ROBO1: variants seen among roughly 807,000 people sequenced by gnomAD.
ROBO1 encodes the protein roundabout homolog 1.
In ROBO1, 149 loss-of-function variants were observed where a neutral mutation model predicts 195.9. The ratio of observed to expected loss-of-function variants is 0.76; its 90% CI spans 0.67 to 0.87. The LOEUF is 0.87. Among genes scored for constraint, ROBO1 ranks in the 40% least tolerant of loss-of-function variants. ROBO1 has a pLI of 0.00. For missense variants in ROBO1, 1,933 were observed against 2,068.3 expected (o/e 0.93, Z 1.27); for synonymous variants, 816 against 733.2 (o/e 1.11, Z -1.82).
At position 78,661,568 on chromosome 3, in the gene ROBO1, A is replaced by G. The variant is rs554606966; in HGVS notation, c.2089-307T>C. The stretch of plus-strand genomic sequence containing the variant: ...ATTAACTTCTATGCTTCATGCAGAA[A>G]TGTGAGGCCTGATGGCAGCTCTGAC... On this transcript the variant is annotated intron_variant, in intron 15 of 30. Transcript: ENST00000464233. Among the ~76,000 whole-genome samples the G allele has an allele frequency of 1.2e-4, 18 of 152,348 alleles. No individual in the cohort carries two copies. The East Asian group carries it at 3.1e-3, about 26-fold the overall frequency.
intron 2 of ROBO1, among the ~76,000 whole-genome samples, chr3:79,558,048 A>C (rs1942775994): frequency 6.6e-6 from 1 of 152,218 alleles, no homozygotes; most frequent in African/African-American, 2.4e-5. Context: ...AAGCCTGTCA[A>C]ATTTGTAAAA....
intron 2 of ROBO1, among the ~76,000 whole-genome samples, chr3:79,186,551 C>A (rs1027651218): frequency 1.3e-5 from 2 of 152,056 alleles, no homozygotes; most frequent in African/African-American, 2.4e-5. Context: ...TCTTTATGCC[C>A]AATTTGGTAA....
At chr3:79,524,967 A>G (rs1263240811) in intron 2 of ROBO1, among the ~76,000 whole-genome samples, 2 of 151,968 alleles carry the variant, frequency 1.3e-5, no homozygotes, top group Non-Finnish European at 2.9e-5. Context: ...ATATAGAGAG[A>G]GAAACAGAGA....
chr3:79,400,454 A>G (rs1278212071), intron 2 of ROBO1, among the ~76,000 whole-genome samples: 1 of 152,012 alleles, frequency 6.6e-6, no homozygotes, highest in Non-Finnish European at 1.5e-5. Flanking sequence ...AGCATTTTAC[A>G]TTTCCCCCCA....
intron 2 of ROBO1, among the ~76,000 whole-genome samples, chr3:79,358,898 A>AT (rs1010986945): frequency 6.6e-6 from 1 of 151,978 alleles, no homozygotes; most frequent in Non-Finnish European, 1.5e-5. Flanking sequence ...TGTCCTGAAT[A>AT]TTTTTTGGCC....
intron 2 of ROBO1, among the ~76,000 whole-genome samples, chr3:79,343,892 A>T (rs1231711378): frequency 6.6e-6 from 1 of 152,078 alleles, no homozygotes; most frequent in Non-Finnish European, 1.5e-5. Context: ...ATGTCATAAG[A>T]CCTAGTTGTT....
intron 5 of ROBO1, among the ~76,000 whole-genome samples, chr3:78,736,942 T>C (rs1487989838): frequency 6.6e-6 from 1 of 152,194 alleles, no homozygotes; most frequent in Non-Finnish European, 1.5e-5. Context: ...CTGAATCACA[T>C]AATTTCTCAA....
At chr3:78,935,839 A>G (rs1490308914) in intron 4 of ROBO1, among the ~76,000 whole-genome samples, 1 of 152,034 alleles carries the variant, frequency 6.6e-6, no homozygotes, top group Non-Finnish European at 1.5e-5. Flanking sequence ...ATAAAATCAA[A>G]CTTCAAATAC....
intron 5 of ROBO1, among the ~76,000 whole-genome samples, chr3:78,719,575 A>T (rs948924264): frequency 3.8e-4 from 58 of 152,260 alleles, no homozygotes; most frequent in African/African-American, 1.3e-3. Context: ...CTAAAGTAGA[A>T]TCACATGATA....
intron 28 of ROBO1, among the ~76,000 whole-genome samples, chr3:78,609,566 A>G (rs1255571256): frequency 6.6e-6 from 1 of 152,148 alleles, no homozygotes; most frequent in African/African-American, 2.4e-5. Context: ...AGTTATACAG[A>G]TTTCCATATG....
intron 2 of ROBO1, among the ~76,000 whole-genome samples, chr3:79,522,020 A>G (rs143090323): frequency 1.7e-3 from 263 of 152,342 alleles, no homozygotes; most frequent in Non-Finnish European, 2.4e-3. Context: ...GACAATTATT[A>G]TGACTGTCAA....
chr3:79,098,219 C>T (rs1269937141), intron 3 of ROBO1, among the ~76,000 whole-genome samples: 2 of 151,798 alleles, frequency 1.3e-5, no homozygotes, highest in African/African-American at 4.8e-5. Context: ...GTGGACAGAT[C>T]AATATGTAAA....
At chr3:79,355,581 G>A (rs544008151) in intron 2 of ROBO1, among the ~76,000 whole-genome samples, 17 of 151,942 alleles carry the variant, frequency 1.1e-4, no homozygotes, top group Admixed American at 6.6e-4. Flanking sequence ...TCCTCTCCCC[G>A]TCCTCTGGTA....
intron 4 of ROBO1, among the ~76,000 whole-genome samples, chr3:78,774,258 T>C (rs1383051405): frequency 2.0e-5 from 3 of 152,232 alleles, no homozygotes; most frequent in African/African-American, 7.2e-5. Context: ...TCCTTTAAGC[T>C]AGGCTTACAT....
chr3:79,090,835 C>T (rs536378640), intron 3 of ROBO1, among the ~76,000 whole-genome samples: 1 of 152,158 alleles, frequency 6.6e-6, no homozygotes, highest in African/African-American at 2.4e-5. Context: ...AACAAAAAGT[C>T]TTTTTTTCTC....
chr3:79,337,651 T>C (rs1221070829), intron 2 of ROBO1, among the ~76,000 whole-genome samples: 1 of 152,224 alleles, frequency 6.6e-6, no homozygotes, highest in African/African-American at 2.4e-5. Flanking sequence ...TTACTCATAC[T>C]TTCTCACACC....
At chr3:78,944,113 T>C (rs1271536056) in intron 3 of ROBO1, among the ~76,000 whole-genome samples, 3 of 152,224 alleles carry the variant, frequency 2.0e-5, no homozygotes, top group Non-Finnish European at 4.4e-5. Flanking sequence ...GTTATATCTG[T>C]GTCCATATGG....
intron 26 of ROBO1, among the ~76,000 whole-genome samples, chr3:78,620,880 T>C (rs560440059): frequency 5.0e-3 from 403 of 81,122 alleles, no homozygotes; most frequent in Non-Finnish European, 7.3e-3. Context: ...ATTATATATA[T>C]ATATGTGTGT....
intron 2 of ROBO1, among the ~76,000 whole-genome samples, chr3:79,449,410 G>T (rs1167991201): frequency 1.3e-5 from 2 of 150,742 alleles, no homozygotes. Flanking sequence ...TTTCACTAGG[G>T]GAAAAAATTA....
Sources: allele counts gnomAD v4.1 joint callset (sites outside exome capture counted in the v4.1 genomes callset), GRCh38; gene constraint gnomAD v4.1.1; transcripts MANE v1.5; gene names NCBI Gene and HGNC (gene_info 2026-07-23, HGNC 2026-07-21).